The following CROCC2 variants were observed in gnomAD, a reference collection of about 807,000 sequenced individuals.
CROCC2 encodes the protein ciliary rootlet coiled-coil protein 2.
A neutral mutation model predicts 177.6 loss-of-function variants in CROCC2; 163 were observed. The ratio of observed to expected loss-of-function variants is 0.92; its 90% CI spans 0.81 to 1.05. CROCC2 has a LOEUF of 1.05. Among genes scored for constraint, CROCC2 ranks in the 50% least tolerant of loss-of-function variants. CROCC2 has a pLI of 0.00. For synonymous variants in CROCC2, 904 were observed against 787.3 expected (o/e 1.15, Z -2.48); for missense variants, 1,929 against 1,797.8 (o/e 1.07, Z -1.32).
intron 14 of CROCC2, among the ~76,000 whole-genome samples, chr2:240,943,439 C>A (rs1445598427): frequency 6.6e-6 from 1 of 151,042 alleles, no homozygotes; most frequent in Non-Finnish European, 1.5e-5. Flanking sequence ...ATCTCATAAG[C>A]CTGCTGAAAT....
In CROCC2 at chr2:240,958,153, C is replaced by T; in HGVS notation, c.2944-1148C>T. ...GGAGCGGGAGGAGAGGAATGCCGGCCAAGGAGCACCAGGCGCCAGATGACA... is the reference window on the plus strand; with the variant it reads ...GGAGCGGGAGGAGAGGAATGCCGGCTAAGGAGCACCAGGCGCCAGATGACA... On this transcript the variant is annotated intron_variant, in intron 19 of 31. Transcript: ENST00000690015. This position sits in a 1 kb window ranked among gnomAD's most constrained non-coding sequence, Gnocchi z 6.7. The T allele has an allele frequency of 1.0e-6, 1 of 985,376 alleles. No homozygotes were observed. 61.0% of individuals were successfully genotyped at this position (985,376 alleles called of 1,614,324 possible).
At position 240,913,111 on chromosome 2, in the gene CROCC2, GC is replaced by G. The variant is rs1311644286; in HGVS notation, c.79-5611del. 7.9e-5 allele frequency among the ~76,000 whole-genome samples: 12 copies of G among 152,278 alleles called. No homozygotes were observed. The East Asian group carries it at 2.1e-3, about 27-fold the overall frequency. On this transcript the variant is annotated intron_variant, in intron 1 of 31. Coordinates refer to ENST00000690015, the MANE Select transcript of CROCC2 (RefSeq NM_001351305.2). ...TCCTCCCGCTCAGGAACCCCCACTA[GC>G]CCCGGGGTCCAAGGATCGTGTCCCA...
chr2:240,993,168 G>A lies in CROCC2; in HGVS notation c.*87G>A, dbSNP rs565251100. ...GGAGGGGCCCAGCTGATTTCTCAGC[G>A]TCACAGTGAAAGGCACCCGTGATGA... On this transcript the variant is annotated 3_prime_UTR_variant, in exon 32 of 32. Coordinates refer to ENST00000690015, the MANE Select transcript of CROCC2 (RefSeq NM_001351305.2). 6.6e-5 allele frequency: 46 copies of A among 698,276 alleles called. 2 individuals carry two copies. The highest frequency in any genetic ancestry group is 5.8e-4 in the South Asian group (38 of 66,032). 43.3% of individuals were successfully genotyped at this position (698,276 alleles called of 1,614,324 possible).
At chr2:240,909,456 G>C (rs1021474078) in intron 1 of CROCC2, among the ~76,000 whole-genome samples, 2 of 152,238 alleles carry the variant, frequency 1.3e-5, no homozygotes, top group South Asian at 4.1e-4. Context: ...CTGGTGAATG[G>C]AGGCTGGAGA....
chr2:240,949,757 G>A lies in CROCC2; in HGVS notation c.2652+55G>A. On this transcript the variant is annotated intron_variant, in intron 17 of 31. Coordinates refer to ENST00000690015, the MANE Select transcript of CROCC2 (RefSeq NM_001351305.2). The surrounding 1 kb of genome is among the most constrained non-coding windows in gnomAD (Gnocchi z 4.5). ...TCCTAGAAGGCTACCAGGTCCCGGGGAATGGCAGGCCCTTGGGAGGAGGGG... is the reference window on the plus strand; with the variant it reads ...TCCTAGAAGGCTACCAGGTCCCGGGAAATGGCAGGCCCTTGGGAGGAGGGG... 8.8e-6 allele frequency: 13 copies of A among 1,482,988 alleles called. No homozygotes were observed. Among genetic ancestry groups the A allele is most frequent in the South Asian group, 1.3e-5 (1 of 77,754 alleles). The allele number at this position is 1,482,988 out of a possible 1,614,324, so 91.9% of individuals were successfully genotyped here.
chr2:240,915,958 C>G (rs936760073), intron 1 of CROCC2, among the ~76,000 whole-genome samples: 1 of 152,164 alleles, frequency 6.6e-6, no homozygotes, highest in Non-Finnish European at 1.5e-5. Flanking sequence ...AAGCCTCCAG[C>G]GGACGCTGGG....
At chr2:240,920,227 ACCATC>A in intron 3 of CROCC2, 93 bp downstream of exon 3, 1 of 586,572 alleles carries the variant, frequency 1.7e-6, no homozygotes, top group South Asian at 2.0e-5. Flanking sequence ...AGAGCCTGGG[ACCATC>A]GGCAATTTCT....
intron 5 of CROCC2, chr2:240,929,666 A>G (rs953459372): frequency 5.9e-5 from 27 of 455,822 alleles, no homozygotes; most frequent in Non-Finnish European, 1.1e-4. Context: ...GTGCCAGACC[A>G]ACACCTGGAC....
At chr2:240,933,908 G>A in intron 11 of CROCC2, 56 bp downstream of exon 11, 2 of 1,489,508 alleles carry the variant, frequency 1.3e-6, no homozygotes, top group African/African-American at 1.4e-5. Context: ...ACCCCACTCT[G>A]CCACCATCAG....
At chr2:240,988,988 A>T (rs1424983771) in intron 29 of CROCC2, 118 bp downstream of exon 29, 3 of 1,097,840 alleles carry the variant, frequency 2.7e-6, no homozygotes, top group Non-Finnish European at 3.6e-6. Context: ...ACACGTGCAC[A>T]CATGGGGAGG....
Position 240,973,735 on chromosome 2 carries a change from A to G in CROCC2, c.4401+5473A>G, listed in dbSNP as rs535070363. Among the ~76,000 whole-genome samples the G allele has an allele frequency of 6.6e-6, 1 of 152,290 alleles. No individual in the cohort carries two copies. The highest frequency in any genetic ancestry group is 2.1e-4 in the South Asian group (1 of 4,828). ...GCCACAGTCAGACTTGATTACTCTC[A>G]GTGTTTTGTCAAGAATTTTTGCATC... On this transcript the variant is annotated intron_variant, in intron 27 of 31. Transcript: ENST00000690015. This position sits in a 1 kb window ranked among gnomAD's most constrained non-coding sequence, Gnocchi z 4.7.
chr2:240,934,217 C>T, intron 11 of CROCC2, 114 bp from the exon 12 acceptor site: 1 of 1,218,562 alleles, frequency 8.2e-7, no homozygotes, highest in Non-Finnish European at 1.1e-6. Flanking sequence ...CTCCATGCTC[C>T]TCCTGGGCCT....
intron 28 of CROCC2, among the ~76,000 whole-genome samples, chr2:240,986,323 C>T (rs1014399914): frequency 1.3e-5 from 2 of 152,192 alleles, no homozygotes; most frequent in African/African-American, 4.8e-5. Flanking sequence ...GCCTCCAGCT[C>T]GGCATCCATG....
In CROCC2 at chr2:240,963,631, G is replaced by C. The variant is rs778178115; in HGVS notation, c.3163G>C (p.Glu1055Gln). 17 of 1,549,504 alleles carry C rather than the reference G, an allele frequency of 1.1e-5. No homozygotes were observed. Among genetic ancestry groups the C allele is most frequent in the Non-Finnish European group, 1.5e-5 (17 of 1,146,694 alleles). ...ACTGCGCCAGGAGCTGCAGGGCGTCGAGGAGAGCCGGGAGGGGCTGCACAG... is the reference window on the plus strand; with the variant it reads ...ACTGCGCCAGGAGCTGCAGGGCGTCCAGGAGAGCCGGGAGGGGCTGCACAG... ...AALRQELQGV[E>Q]ESREGLHREA... Residue 1055 changes from glutamate to glutamine, a missense_variant, in exon 21 of 32, where the codon GAG (glutamate) becomes CAG (glutamine). Coordinates refer to ENST00000690015, the MANE Select transcript of CROCC2 (RefSeq NM_001351305.2).
chr2:240,933,933 G>T (rs767854338), intron 11 of CROCC2, 81 bp downstream of exon 11: 527 of 1,427,044 alleles, frequency 3.7e-4, no homozygotes, highest in Non-Finnish European at 4.3e-4. Flanking sequence ...TTGGCCTTGG[G>T]CCACGGGTCT....
intron 28 of CROCC2, among the ~76,000 whole-genome samples, chr2:240,984,454 C>T (rs2059821927): frequency 6.6e-6 from 1 of 151,906 alleles, no homozygotes; most frequent in African/African-American, 2.4e-5. Flanking sequence ...CTGGGCCCAC[C>T]GAGGAGGAGC....
At chr2:240,962,189 T>G (rs1333930031) in intron 20 of CROCC2, among the ~76,000 whole-genome samples, 1 of 152,048 alleles carries the variant, frequency 6.6e-6, no homozygotes, top group Non-Finnish European at 1.5e-5. Context: ...AGAGGCTGTT[T>G]ATACAATTTC....
intron 17 of CROCC2, 118 bp from the exon 18 acceptor site, chr2:240,950,216 G>T: frequency 9.6e-7 from 1 of 1,038,198 alleles, no homozygotes; most frequent in African/African-American, 1.6e-5. Flanking sequence ...GGCTGGTCTG[G>T]ACAGCCCCTG....
chr2:240,934,263 C>G (rs2059453119), intron 11 of CROCC2, 68 bp from the exon 12 acceptor site: 4 of 1,510,142 alleles, frequency 2.6e-6, no homozygotes, highest in Non-Finnish European at 3.6e-6. Context: ...TGGTCGCCTG[C>G]CTGAAATCCC....
Sources: allele counts gnomAD v4.1 joint callset (sites outside exome capture counted in the v4.1 genomes callset), GRCh38; gene constraint gnomAD v4.1.1; non-coding constraint Gnocchi (gnomAD v3.1); transcripts MANE v1.5; gene names NCBI Gene and HGNC (gene_info 2026-07-23, HGNC 2026-07-21).